The following ANO3 variants were observed in gnomAD, a reference collection of about 807,000 sequenced individuals.
ANO3 encodes anoctamin-3.
In ANO3, 99 loss-of-function variants were observed where a neutral mutation model predicts 144.8. That is an observed-to-expected ratio of 0.68 (90% CI 0.58 to 0.81). ANO3 has a LOEUF of 0.81. Among genes scored for constraint, ANO3 ranks in the 30% least tolerant of loss-of-function variants. The pLI, the probability that ANO3 is intolerant of heterozygous loss-of-function variation, is 0.00. For missense variants in ANO3, 905 were observed against 1,202.2 expected (o/e 0.75, Z 3.66); for synonymous variants, 414 against 392.6 (o/e 1.05, Z -0.64).
rs957305912 is a variant in ANO3, at chr11:26,497,257, GAC to G, written c.433-10839_433-10838del. Among the ~76,000 whole-genome samples the G allele has an allele frequency of 4.0e-5, 6 of 151,804 alleles. No homozygotes were observed. The South Asian group carries it at 6.3e-4, about 16-fold the overall frequency. ...ATATATATGTGTGTAGATAGATACA[GAC>G]ACACACAGAAATATATATAGGTTGA... On this transcript the variant is annotated intron_variant, in intron 4 of 26. Coordinates refer to ENST00000256737, the MANE Select transcript of ANO3 (RefSeq NM_031418.4).
intron 1 of ANO3, among the ~76,000 whole-genome samples, chr11:26,326,484 G>A (rs962751522): frequency 6.6e-6 from 1 of 151,978 alleles, no homozygotes; most frequent in African/African-American, 2.4e-5. Context: ...TTTTATCAAC[G>A]AATAATGTAT....
chr11:26,505,681 A>T (rs946266345), intron 4 of ANO3, among the ~76,000 whole-genome samples: 8 of 152,082 alleles, frequency 5.3e-5, no homozygotes, highest in Non-Finnish European at 1.0e-4. Flanking sequence ...TAAATTTAAG[A>T]CAGCAAATTG....
At chr11:26,412,487 T>C (rs549803822) in intron 1 of ANO3, among the ~76,000 whole-genome samples, 1 of 152,016 alleles carries the variant, frequency 6.6e-6, no homozygotes, top group African/African-American at 2.4e-5. Context: ...ATCGTAACTG[T>C]AGTAATGTAA....
rs751536563 is a variant in ANO3, at chr11:26,565,905, AAAT to A, written c.1447+6129_1447+6131del. 41 of 1,563,762 alleles carry A rather than the reference AAAT, an allele frequency of 2.6e-5. No individual in the cohort carries two copies. In the East Asian group the frequency reaches 9.2e-4, roughly 35 times the overall value. ...TTTTTTTTTAAAGGAATCTGAAAGAAAATAACCATAATTTGAATTCCTTAAATA... is the reference window on the plus strand; with the variant it reads ...TTTTTTTTTAAAGGAATCTGAAAGAAAACCATAATTTGAATTCCTTAAATA... On this transcript the variant is annotated intron_variant, in intron 14 of 26. Transcript: ENST00000256737.
intron 11 of ANO3, among the ~76,000 whole-genome samples, chr11:26,545,951 T>C (rs938984498): frequency 2.0e-5 from 3 of 151,990 alleles, no homozygotes; most frequent in African/African-American, 7.2e-5. Context: ...TAGGTGACTA[T>C]ACTTCGCCAA....
In ANO3 at chr11:26,244,873, T is replaced by G. The variant is rs750273216; in HGVS notation, c.154+55543T>G. On this transcript the variant is annotated intron_variant, in intron 1 of 27. Transcript: ENST00000672621. The stretch of plus-strand genomic sequence containing the variant: ...CCAATTGTCCTGATAATTTTCATAA[T>G]TATTTATTTGTTAATTCCAGGCACA... Among the ~76,000 whole-genome samples the G allele has an allele frequency of 2.0e-5, 3 of 152,204 alleles. No individual in the cohort carries two copies. The South Asian group carries it at 6.2e-4, about 32-fold the overall frequency.
At chr11:26,273,421 T>G (rs956312268) in intron 1 of ANO3, among the ~76,000 whole-genome samples, 1 of 151,730 alleles carries the variant, frequency 6.6e-6, no homozygotes, top group Non-Finnish European at 1.5e-5. Context: ...GTCAATGCCA[T>G]GAAAGAGAAT....
At chr11:26,559,865 CACACACA>C (rs1850217143) in intron 14 of ANO3, 86 bp downstream of exon 14, 13 of 904,584 alleles carry the variant, frequency 1.4e-5, no homozygotes, top group Middle Eastern at 3.3e-4. Context: ...CACACACACA[CACACACA>C]CACCATGAAT....
intron 1 of ANO3, among the ~76,000 whole-genome samples, chr11:26,246,483 A>T (rs2133815711): frequency 7.3e-6 from 1 of 136,726 alleles, no homozygotes; most frequent in South Asian, 2.4e-4. Context: ...TATATATATT[A>T]TGAGTATAAA....
intron 1 of ANO3, among the ~76,000 whole-genome samples, chr11:26,388,337 A>G (rs1228895319): frequency 2.0e-5 from 3 of 152,022 alleles, no homozygotes; most frequent in Non-Finnish European, 4.4e-5. Context: ...TATTCTTCCT[A>G]AAGTGACTGT....
At chr11:26,291,500 G>C (rs1050288234) in intron 1 of ANO3, among the ~76,000 whole-genome samples, 1 of 152,188 alleles carries the variant, frequency 6.6e-6, no homozygotes, top group Non-Finnish European at 1.5e-5. Flanking sequence ...TTTCTTCCTA[G>C]CCTCGATGGT....
chr11:26,639,571 A>T (rs1486826070), intron 21 of ANO3, among the ~76,000 whole-genome samples: 2 of 152,110 alleles, frequency 1.3e-5, no homozygotes, highest in Non-Finnish European at 2.9e-5. Context: ...TATAAAAATA[A>T]TTTTCCGGGG....
intron 1 of ANO3, among the ~76,000 whole-genome samples, chr11:26,311,198 A>C (rs1190900854): frequency 6.6e-6 from 1 of 152,208 alleles, no homozygotes; most frequent in African/African-American, 2.4e-5. Context: ...CTTATGTGTC[A>C]GGTACTGTAT....
intron 1 of ANO3, among the ~76,000 whole-genome samples, chr11:26,265,843 A>C (rs1853296030): frequency 1.3e-5 from 2 of 152,304 alleles, no homozygotes; most frequent in East Asian, 1.9e-4. Context: ...TGCACGACAA[A>C]GTATAAGTCT....
chr11:26,607,293 G>A (rs1851963699), intron 17 of ANO3, among the ~76,000 whole-genome samples: 1 of 152,106 alleles, frequency 6.6e-6, no homozygotes, highest in South Asian at 2.1e-4. Flanking sequence ...TGATAACTAT[G>A]TGTCTTCGGG....
At chr11:26,472,245 C>T in intron 4 of ANO3, among the ~76,000 whole-genome samples, 1 of 151,914 alleles carries the variant, frequency 6.6e-6, no homozygotes, top group East Asian at 1.9e-4. Context: ...CTTAATCTGT[C>T]ACCTCCAAGC....
intron 14 of ANO3, chr11:26,563,395 C>CTGTG (rs71047867): frequency 0.048 from 25,849 of 537,018 alleles, 428 homozygotes; most frequent in Middle Eastern, 0.071. Flanking sequence ...GTTTCTCTCT[C>CTGTG]TGTGTGTGTG....
intron 1 of ANO3, among the ~76,000 whole-genome samples, chr11:26,438,991 T>C (rs905201600): frequency 1.3e-5 from 2 of 151,912 alleles, no homozygotes; most frequent in African/African-American, 2.4e-5. Context: ...AATGGACATA[T>C]AGATTGGTGG....
intron 4 of ANO3, among the ~76,000 whole-genome samples, chr11:26,497,211 C>G (rs1860998892): frequency 6.6e-6 from 1 of 151,490 alleles, no homozygotes; most frequent in Non-Finnish European, 1.5e-5. Flanking sequence ...TGTATATATA[C>G]AGACACTCAC....
Sources: gnomAD v4.1 joint callset for allele counts (sites outside exome capture counted in the v4.1 genomes callset) on GRCh38, gnomAD v4.1.1 for gene constraint, MANE v1.5 for transcripts, NCBI Gene and HGNC (gene_info 2026-07-23, HGNC 2026-07-21) for gene names.